COL4A2: variants seen among roughly 807,000 people sequenced by gnomAD.
COL4A2 encodes the protein collagen type IV alpha 2 chain, also known as collagen alpha-2(IV) chain.
COL4A2 carries 99 observed loss-of-function variants against 200.2 expected under a neutral mutation model. The ratio of observed to expected loss-of-function variants is 0.49; its 90% CI spans 0.42 to 0.58. The LOEUF is 0.58. Among genes scored for constraint, COL4A2 ranks in the 20% least tolerant of loss-of-function variants. The pLI, the probability that COL4A2 is intolerant of heterozygous loss-of-function variation, is 0.00. For synonymous variants in COL4A2, 897 were observed against 900.6 expected (o/e 1.00, Z 0.07); for missense variants, 1,950 against 2,314.1 (o/e 0.84, Z 3.23).
In COL4A2 at chr13:110,469,318, C is replaced by A; in HGVS notation, c.2197C>A (p.Pro733Thr). 6.3e-7 allele frequency: 1 copy of A among 1,579,870 alleles called. No homozygotes were observed. Among genetic ancestry groups the A allele is most frequent in the Non-Finnish European group, 8.6e-7 (1 of 1,162,638 alleles). The change falls in exon 28 of 48, where the codon CCC becomes ACC. Residue 733 changes from proline to threonine, a missense_variant. This residue lies in a region of COL4A2 where 1,385 missense variants were observed against 1,720.5 expected (regional missense o/e 0.80). Transcript: ENST00000360467. ...GDAGREGFPG[P>T]PGFIGPRGSK... ...CGCAGGTCGTGAAGGGTTCCCAGGA[C>A]CCCCAGGTGAGTTGAGATCAGACCC...
chr13:110,369,024 T>C (rs1031392457), intron 4 of COL4A2, among the ~76,000 whole-genome samples: 17 of 152,062 alleles, frequency 1.1e-4, no homozygotes, highest in African/African-American at 3.9e-4. Flanking sequence ...CTGGCCAACA[T>C]GGTGAAACCA....
At chr13:110,356,199 C>T (rs1270398972) in intron 3 of COL4A2, among the ~76,000 whole-genome samples, 1 of 152,190 alleles carries the variant, frequency 6.6e-6, no homozygotes, top group Non-Finnish European at 1.5e-5. Context: ...CTCCATTTCC[C>T]ACTGACTCAC....
chr13:110,480,499 C>T, intron 31 of COL4A2, 109 bp downstream of exon 31: 1 of 1,188,206 alleles, frequency 8.4e-7, no homozygotes, highest in Non-Finnish European at 1.1e-6. Flanking sequence ...GGGCTGGCCT[C>T]ACACTTCTGC....
chr13:110,472,430 C>T (rs1407722778), intron 28 of COL4A2, among the ~76,000 whole-genome samples: 1 of 152,090 alleles, frequency 6.6e-6, no homozygotes, highest in Non-Finnish European at 1.5e-5. Flanking sequence ...AGAGGGGTGT[C>T]GTTCCTCTTT....
intron 3 of COL4A2, among the ~76,000 whole-genome samples, chr13:110,330,747 A>G (rs548323990): frequency 5.6e-4 from 85 of 152,186 alleles, no homozygotes; most frequent in African/African-American, 2.0e-3. Flanking sequence ...TCTCCTTTAA[A>G]TGAAAGACCT....
At chr13:110,497,755 TG>T (rs1470244369) in intron 40 of COL4A2, among the ~76,000 whole-genome samples, 4 of 149,602 alleles carry the variant, frequency 2.7e-5, no homozygotes, top group East Asian at 2.0e-4. Context: ...GGTGAGGATC[TG>T]GGGTCAGTCC....
intron 34 of COL4A2, among the ~76,000 whole-genome samples, chr13:110,487,719 G>C (rs527591606): frequency 6.6e-6 from 1 of 152,236 alleles, no homozygotes; most frequent in South Asian, 2.1e-4. Flanking sequence ...AAATAAACCA[G>C]AAACAGAAAA....
chr13:110,420,028 A>G (rs1342109691), intron 4 of COL4A2, among the ~76,000 whole-genome samples: 1 of 152,178 alleles, frequency 6.6e-6, no homozygotes, highest in Non-Finnish European at 1.5e-5. Flanking sequence ...TCAAACTGTT[A>G]TGTACCAAGG....
chr13:110,308,118 T>C lies in COL4A2; in HGVS notation c.94T>C (p.Leu32=). 6.2e-7 allele frequency: 1 copy of C among 1,613,754 alleles called. No individual in the cohort carries two copies. The highest frequency in any genetic ancestry group is 8.5e-7 in the Non-Finnish European group (1 of 1,180,016). Reference sequence around the variant, plus strand: ...CGTGGGGTTCCTCGCCCAGAGCGTCTTGGCGGTAAGTCCTGGCTCCCGCGC... The same window carrying C: ...CGTGGGGTTCCTCGCCCAGAGCGTCCTGGCGGTAAGTCCTGGCTCCCGCGC... ...VTVGFLAQSV[L]AGVKKFDVPC... The change falls in exon 3 of 48, where the codon TTG becomes CTG. Residue 32 remains leucine (L), a synonymous_variant. Transcript: ENST00000360467.
rs1927352 is a variant in COL4A2, at chr13:110,466,233, G to A, written c.2038+171G>A. ...GGTGAGCACTATACATTGCATGAATGACAACCTGGTAGAGACGGAGAGACA... is the reference window on the plus strand; with the variant it reads ...GGTGAGCACTATACATTGCATGAATAACAACCTGGTAGAGACGGAGAGACA... On this transcript the variant is annotated intron_variant, in intron 26 of 47. Coordinates refer to ENST00000360467, the MANE Select transcript of COL4A2 (RefSeq NM_001846.4). Among the ~76,000 whole-genome samples the A allele has an allele frequency of 0.96, 146,258 of 152,282 alleles. 70,248 individuals carry two copies. The highest frequency in any genetic ancestry group is 0.98 in the Middle Eastern group (287 of 294).
intron 18 of COL4A2, among the ~76,000 whole-genome samples, chr13:110,448,248 T>C (rs1881403156): frequency 6.6e-6 from 1 of 152,262 alleles, no homozygotes; most frequent in Non-Finnish European, 1.5e-5. Flanking sequence ...TTTAAGTTAA[T>C]GCTGGCGATG....
At chr13:110,368,851 G>C (rs1351260234) in intron 4 of COL4A2, among the ~76,000 whole-genome samples, 4 of 24,626 alleles carry the variant, frequency 1.6e-4, no homozygotes, top group South Asian at 1.8e-3. Flanking sequence ...AAAGAAAAGG[G>C]GGGGGGGGGG....
At chr13:110,459,288 C>CA in intron 22 of COL4A2, 1 of 200,878 alleles carries the variant, frequency 5.0e-6, no homozygotes, top group Non-Finnish European at 1.0e-5. Flanking sequence ...CAGCATTCTT[C>CA]AAAATAGGCA....
chr13:110,367,900 C>T (rs1409932149), intron 4 of COL4A2, among the ~76,000 whole-genome samples: 1 of 152,182 alleles, frequency 6.6e-6, no homozygotes, highest in East Asian at 1.9e-4. Flanking sequence ...TTACTGTACA[C>T]GTTCACAGCC....
chr13:110,474,759 C>CATG (rs375499965), intron 29 of COL4A2, among the ~76,000 whole-genome samples: 2,654 of 56,472 alleles, frequency 0.047, 450 homozygotes, highest in South Asian at 0.073. Context: ...CACACTCACA[C>CATG]ATCACACACG....
intron 20 of COL4A2, among the ~76,000 whole-genome samples, chr13:110,454,654 G>A (rs984163363): frequency 2.6e-5 from 4 of 152,016 alleles, no homozygotes; most frequent in Admixed American, 2.0e-4. Context: ...CTCCACTCCC[G>A]GGAAATCCCA....
In COL4A2 at chr13:110,493,230, G is replaced by T; in HGVS notation, c.3582G>T (p.Gly1194=). The stretch of plus-strand genomic sequence containing the variant: ...CCGCAGGTTTTCCGGGACTCCGTGG[G>T]ATCCGCGGCTTACACGGCTTGCCAG... The part of the protein sequence containing the change: ...PGLPGFPGLR[G]IRGLHGLPGT... Residue 1194 remains glycine, a synonymous_variant, in exon 39 of 48, where the codon GGG becomes GGT. Coordinates refer to ENST00000360467, the MANE Select transcript of COL4A2 (RefSeq NM_001846.4). The T allele has an allele frequency of 6.2e-7, 1 of 1,614,192 alleles. No homozygotes were observed. Among genetic ancestry groups the T allele is most frequent in the Middle Eastern group, 1.7e-4 (1 of 6,060 alleles).
intron 4 of COL4A2, among the ~76,000 whole-genome samples, chr13:110,385,619 TACA>T (rs2139416223): frequency 6.7e-6 from 1 of 148,618 alleles, no homozygotes; most frequent in African/African-American, 2.6e-5. Context: ...AGGCCGTGGC[TACA>T]GTGTGTGGAT....
Position 110,426,323 on chromosome 13 carries a change from A to G in COL4A2, c.360+1326A>G, listed in dbSNP as rs555310978. ...TGTTTCCACTTTACACTCACTTAATATCAGAGGCAGATGTCTCACAAACTA... is the reference window on the plus strand; with the variant it reads ...TGTTTCCACTTTACACTCACTTAATGTCAGAGGCAGATGTCTCACAAACTA... On this transcript the variant is annotated intron_variant, in intron 6 of 47. Coordinates refer to ENST00000360467, the MANE Select transcript of COL4A2 (RefSeq NM_001846.4). 5.3e-5 allele frequency among the ~76,000 whole-genome samples: 8 copies of G among 152,328 alleles called. 2 individuals are homozygous for G. The highest frequency in any genetic ancestry group is 5.2e-4 in the Admixed American group (8 of 15,306).
Sources: allele counts gnomAD v4.1 joint callset (sites outside exome capture counted in the v4.1 genomes callset), GRCh38; gene constraint gnomAD v4.1.1; regional missense constraint gnomAD v4.1.1; transcripts MANE v1.5; gene names NCBI Gene and HGNC (gene_info 2026-07-23, HGNC 2026-07-21).